ALG9: variants seen among roughly 807,000 people sequenced by gnomAD.
ALG9 encodes the protein ALG9 alpha-1,2-mannosyltransferase.
A neutral mutation model predicts 81.8 loss-of-function variants in ALG9; 55 were observed. The observed-to-expected ratio is 0.67, with a 90% CI of 0.54 to 0.84. The LOEUF is 0.84. ALG9 is among the 40% of genes least tolerant of loss of function. The probability of loss-of-function intolerance (pLI) is 0.00; values close to 1 mark genes in which losing one functional copy is unlikely to be tolerated. For synonymous variants in ALG9, 278 were observed against 274.3 expected, an observed-to-expected ratio of 1.01 and a Z score of -0.13; for missense variants, 629 against 745.0, an observed-to-expected ratio of 0.84 and a Z score of 1.81.
chr11:111,831,128 C>T lies in ALG9; in HGVS notation c.1602+5037G>A, dbSNP rs192497586. On this transcript the variant is annotated intron_variant, in intron 13 of 14. Coordinates refer to ENST00000616540, the MANE Select transcript of ALG9 (RefSeq NM_024740.2). ...CCATCTCGGCTGACTGCAACCTCCG[C>T]CTCCTGGGTTCAAGTGATTCTCCTG... Among the ~76,000 whole-genome samples the T allele has an allele frequency of 4.4e-3, 672 of 152,268 alleles. 4 individuals carry two copies. Among genetic ancestry groups the T allele is most frequent in the Non-Finnish European group, 7.0e-3 (479 of 68,012 alleles).
intron 2 of ALG9, 153 bp downstream of exon 2, chr11:111,870,079 T>G: frequency 1.1e-6 from 1 of 927,576 alleles, no homozygotes; most frequent in Non-Finnish European, 1.5e-6. Flanking sequence ...CCCAAAGTGC[T>G]GGGATTATAG....
chr11:111,848,246 A>G (rs1444724828), intron 8 of ALG9, among the ~76,000 whole-genome samples: 2 of 152,192 alleles, frequency 1.3e-5, no homozygotes. Flanking sequence ...TAATCAGAAG[A>G]TATTGTAATT....
chr11:111,841,784 T>C (rs1555124188), intron 9 of ALG9, among the ~76,000 whole-genome samples: 2 of 152,196 alleles, frequency 1.3e-5, no homozygotes, highest in African/African-American at 4.8e-5. Flanking sequence ...ATAAAAATTC[T>C]TGAACTACAA....
At chr11:111,831,082 C>T (rs1954283962) in intron 13 of ALG9, among the ~76,000 whole-genome samples, 2 of 152,032 alleles carry the variant, frequency 1.3e-5, no homozygotes, top group Non-Finnish European at 2.9e-5. Flanking sequence ...GCTCCGTCAC[C>T]GAGGCTGGAG....
chr11:111,796,635 G>A (rs995895183), intron 14 of ALG9, among the ~76,000 whole-genome samples: 1 of 152,166 alleles, frequency 6.6e-6, no homozygotes, highest in South Asian at 2.1e-4. Context: ...TCTGCCAGAC[G>A]AAGGGTCTCA....
At position 111,840,753 on chromosome 11, in the gene ALG9, T is replaced by G; in HGVS notation, c.1075A>C (p.Ile359Leu). 1 of 1,614,078 alleles carries G rather than the reference T, an allele frequency of 6.2e-7. No individual in the cohort carries two copies. Among genetic ancestry groups the G allele is most frequent in the Non-Finnish European group, 8.5e-7 (1 of 1,179,990 alleles). Residue 359 changes from isoleucine (I) to leucine (L), a missense_variant, in exon 10 of 15, where the codon ATA becomes CTA. Transcript: ENST00000616540. ...LTLAPMYIWF[I>L]IFFIQPHKEE... Reference sequence around the variant, plus strand: ...TTGTGAGGCTGGATGAAGAAAATTATAAACCAAATATACATTGGAGCCAAG... The same window carrying G: ...TTGTGAGGCTGGATGAAGAAAATTAGAAACCAAATATACATTGGAGCCAAG...
chr11:111,830,686 T>G (rs1954198123), intron 13 of ALG9, among the ~76,000 whole-genome samples: 1 of 152,112 alleles, frequency 6.6e-6, no homozygotes, highest in Non-Finnish European at 1.5e-5. Context: ...GGGCAAGTTA[T>G]TTTTTCCTCC....
At position 111,786,482 on chromosome 11, in the gene ALG9, A is replaced by C. The variant is rs1946487433; in HGVS notation, c.1772T>G (p.Leu591Arg). The change falls in exon 15 of 15, where the codon CTG (leucine) becomes CGG (arginine). Residue 591 changes from leucine to arginine, a missense_variant. Around this residue, in one of 3 missense-constraint regions of ALG9, gnomAD observed 264 missense variants for 302.2 expected, o/e 0.87. Transcript: ENST00000616540. ...TACGTACACTGTATACTGATCTGAC[A>C]GGAAGGGGACATAGAATGCCCGCAG... ...KLLRAFYVPF[L>R]SDQYTVYVNY... 6 of 1,614,008 alleles carry C rather than the reference A, an allele frequency of 3.7e-6. No individual in the cohort carries two copies. The East Asian group carries it at 1.3e-4, about 36-fold the overall frequency.
At chr11:111,803,300 G>A (rs1389113803) in intron 14 of ALG9, among the ~76,000 whole-genome samples, 11 of 151,950 alleles carry the variant, frequency 7.2e-5, no homozygotes, top group African/African-American at 2.7e-4. Flanking sequence ...TCAGGAGTTC[G>A]AGACCAGCCT....
At chr11:111,792,261 A>C (rs1947554451) in intron 14 of ALG9, among the ~76,000 whole-genome samples, 1 of 152,110 alleles carries the variant, frequency 6.6e-6, no homozygotes, top group Non-Finnish European at 1.5e-5. Flanking sequence ...CACAAAACAC[A>C]CCCACATTCT....
chr11:111,870,102 G>GTT (rs372396527), intron 2 of ALG9, 130 bp downstream of exon 2: 599 of 944,688 alleles, frequency 6.3e-4, no homozygotes, highest in Middle Eastern at 1.9e-3. Context: ...CTGTTTTTTT[G>GTT]TTTTTTTTTT....
intron 14 of ALG9, among the ~76,000 whole-genome samples, chr11:111,794,333 G>A (rs1398642413): frequency 1.3e-5 from 2 of 152,126 alleles, no homozygotes; most frequent in African/African-American, 2.4e-5. Context: ...GCCCAGGCTG[G>A]AGTGCAGTGG....
At chr11:111,829,789 A>G (rs1304813004) in intron 13 of ALG9, among the ~76,000 whole-genome samples, 1 of 152,022 alleles carries the variant, frequency 6.6e-6, no homozygotes, top group African/African-American at 2.4e-5. Context: ...CATCATCTCA[A>G]CTCTCAAACA....
chr11:111,785,898 T>C lies in ALG9; in HGVS notation c.*499A>G, dbSNP rs1201976103. The C allele has an allele frequency of 7.8e-6, 3 of 385,622 alleles. No individual in the cohort carries two copies. The highest frequency in any genetic ancestry group is 6.3e-5 in the African/African-American group (3 of 47,614). The allele number at this position is 385,622 out of a possible 1,614,324, so 23.9% of individuals were successfully genotyped here. A position where few individuals can be genotyped will look rare whatever the true frequency, so the allele number is the denominator to read the frequency against. ...CATGTGGGTTGGCAACTAGGCTGTG[T>C]TCATTTTCAGCATGAGGATTTCAAT... On this transcript the variant is annotated 3_prime_UTR_variant, in exon 15 of 15. Transcript: ENST00000616540.
chr11:111,846,904 G>A (rs183706534), intron 8 of ALG9, among the ~76,000 whole-genome samples: 1,629 of 152,318 alleles, frequency 0.011, 14 homozygotes, highest in Non-Finnish European at 0.016. Context: ...ACTGGTGCAA[G>A]ATGTTTAGGT....
At chr11:111,814,665 T>C (rs146832795) in intron 13 of ALG9, 1 of 152,314 alleles carries the variant, frequency 6.6e-6, no homozygotes, top group East Asian at 1.9e-4. Flanking sequence ...CCAGCATTAT[T>C]TATATGTAAA....
chr11:111,792,208 A>G (rs2136231592), intron 14 of ALG9, among the ~76,000 whole-genome samples: 1 of 152,282 alleles, frequency 6.6e-6, no homozygotes, highest in South Asian at 2.1e-4. Flanking sequence ...CACAATTTGT[A>G]TTATTTATTT....
chr11:111,819,102 G>A (rs1481108230), intron 13 of ALG9, among the ~76,000 whole-genome samples: 1 of 152,226 alleles, frequency 6.6e-6, no homozygotes, highest in African/African-American at 2.4e-5. Flanking sequence ...ACTGAGAAAA[G>A]GCAACAGGAG....
At chr11:111,814,030 T>C (rs1485754299) in intron 13 of ALG9, among the ~76,000 whole-genome samples, 6 of 152,244 alleles carry the variant, frequency 3.9e-5, no homozygotes, top group Non-Finnish European at 8.8e-5. Flanking sequence ...TTCAACCTAA[T>C]GTATATCCAA....
Sources: gnomAD v4.1 joint callset for allele counts (sites outside exome capture counted in the v4.1 genomes callset) on GRCh38, gnomAD v4.1.1 for gene constraint, gnomAD v4.1.1 regional missense constraint, MANE v1.5 for transcripts, NCBI Gene and HGNC (gene_info 2026-07-23, HGNC 2026-07-21) for gene names.